The following CD226 variants were observed in gnomAD, a reference collection of about 807,000 sequenced individuals.
CD226 encodes CD226 molecule.
Under a neutral mutation model 34.9 loss-of-function variants are expected in CD226, and 24 were observed. That is an observed-to-expected ratio of 0.69 (90% confidence interval 0.50 to 0.97). The LOEUF (loss-of-function observed/expected upper bound fraction) is 0.97, where lower values mean the gene tolerates loss of function less well. Ranked by LOEUF, CD226 falls within the 50% of genes least tolerant of loss-of-function variation. The probability of loss-of-function intolerance (pLI) is 0.00; values close to 1 mark genes in which losing one functional copy is unlikely to be tolerated. For synonymous variants in CD226, 148 were observed against 147.4 expected (o/e 1.00, Z -0.03); for missense variants, 397 against 412.7 (o/e 0.96, Z 0.33).
chr18:69,951,093 G>T (rs904099615), upstream of CD226, among the ~76,000 whole-genome samples: 24 of 150,964 alleles, frequency 1.6e-4, no homozygotes, highest in Non-Finnish European at 4.4e-5. Flanking sequence ...CAGCCTCCTG[G>T]GTAGCTGGGA....
intron 1 of CD226, 51 bp downstream of exon 1, chr18:69,947,306 TACAA>T (rs770815326): frequency 3.3e-5 from 40 of 1,225,898 alleles, no homozygotes; most frequent in African/African-American, 6.1e-5. Context: ...TGCCACACTG[TACAA>T]ACAAAAACAG....
intron 2 of CD226, among the ~76,000 whole-genome samples, chr18:69,908,042 CTGTT>C (rs2055278313): frequency 1.3e-5 from 2 of 152,188 alleles, no homozygotes; most frequent in Admixed American, 6.5e-5. Context: ...CTTTGACTCT[CTGTT>C]TGGCTCTATC....
In CD226 at chr18:69,858,358, G is replaced by A. The variant is rs897766513; in HGVS notation, c.*5956C>T. On this transcript the variant is annotated 3_prime_UTR_variant, in exon 6 of 6. Transcript: ENST00000582621. ...GTTGAAGTTCTTCAACGAGCCTGGA[G>A]GGAATGTCGCAGTGTGTTCTGTTTG... is the stretch of plus-strand genomic sequence containing the variant. 12 of 152,170 alleles carry A rather than the reference G, an allele frequency of 7.9e-5. No homozygotes were observed. Among genetic ancestry groups the A allele is most frequent in the Non-Finnish European group, 1.6e-4 (11 of 68,034 alleles). 9.4% of individuals were successfully genotyped at this position (152,170 alleles called of 1,614,324 possible).
At chr18:69,922,427 G>A (rs1263129727) in intron 2 of CD226, among the ~76,000 whole-genome samples, 1 of 152,110 alleles carries the variant, frequency 6.6e-6, no homozygotes, top group Non-Finnish European at 1.5e-5. Flanking sequence ...GACCACAGAT[G>A]CATACCACCA....
intron 5 of CD226, 51 bp downstream of exon 5, chr18:69,867,306 T>A: frequency 8.3e-7 from 1 of 1,211,050 alleles, no homozygotes; most frequent in Non-Finnish European, 1.2e-6. Flanking sequence ...GAGACTGACT[T>A]TGCATCTGTA....
chr18:69,914,377 A>T (rs2055361241), intron 2 of CD226, among the ~76,000 whole-genome samples: 1 of 152,206 alleles, frequency 6.6e-6, no homozygotes, highest in Non-Finnish European at 1.5e-5. Context: ...AGTGAACACC[A>T]TATATCAATT....
chr18:69,950,236 T>C (rs538307140), upstream of CD226, among the ~76,000 whole-genome samples: 56 of 151,752 alleles, frequency 3.7e-4, 1 homozygote, highest in South Asian at 8.4e-3. Context: ...TCACACACAT[T>C]TGCACACACT....
intron 2 of CD226, among the ~76,000 whole-genome samples, chr18:69,942,469 C>T (rs563206397): frequency 6.6e-6 from 1 of 152,330 alleles, no homozygotes; most frequent in African/African-American, 2.4e-5. Context: ...AAAAACTAGT[C>T]AGAGATGTCC....
At chr18:69,877,116 G>A (rs1314384978) in intron 3 of CD226, among the ~76,000 whole-genome samples, 1 of 151,946 alleles carries the variant, frequency 6.6e-6, no homozygotes, top group East Asian at 1.9e-4. Context: ...CGCCCTCCTC[G>A]GCCTCCCAAA....
chr18:69,914,684 A>T (rs1232971953), intron 2 of CD226, among the ~76,000 whole-genome samples: 1 of 152,202 alleles, frequency 6.6e-6, no homozygotes, highest in Non-Finnish European at 1.5e-5. Context: ...TAAAACAGAA[A>T]TGTTCATGCT....
At chr18:69,897,322 C>T (rs534007389) in intron 2 of CD226, among the ~76,000 whole-genome samples, 2 of 152,232 alleles carry the variant, frequency 1.3e-5, no homozygotes, top group South Asian at 2.1e-4. Context: ...TTTGGGAACC[C>T]GATCTAAAGA....
chr18:69,895,855 G>T lies in CD226; in HGVS notation c.573C>A (p.Phe191Leu). 6.2e-7 allele frequency: 1 copy of T among 1,614,180 alleles called. No individual in the cohort carries two copies. The highest frequency in any genetic ancestry group is 8.5e-7 in the Non-Finnish European group (1 of 1,180,036). Residue 191 changes from phenylalanine (F) to leucine (L), a missense_variant, in exon 3 of 6, where the codon TTC (phenylalanine) becomes TTA (leucine). Coordinates refer to ENST00000582621, the MANE Select transcript of CD226 (RefSeq NM_001303618.2). ...LVHGRNFTSK[F>L]PRQIVSNCSH... ...TGCAGTTGCTCACTATTTGTCTTGG[G>T]AACTTGGAGGTGAAATTTCTGCCAT...
rs540617148 is a variant in CD226, at chr18:69,855,437, G to C, written c.*8877C>G. 2 of 152,120 alleles carry C rather than the reference G, an allele frequency of 1.3e-5. No individual in the cohort carries two copies. The highest frequency in any genetic ancestry group is 1.5e-5 in the Non-Finnish European group (1 of 68,008). 9.4% of individuals were successfully genotyped at this position (152,120 alleles called of 1,614,324 possible). On this transcript the variant is annotated 3_prime_UTR_variant, in exon 6 of 6. Coordinates refer to ENST00000582621, the MANE Select transcript of CD226 (RefSeq NM_001303618.2). ...GAAGAATGAATGACTTTGAAGCTAG[G>C]CCAATAGAAACTTTTCAAACTAAAA... is the stretch of plus-strand genomic sequence containing the variant.
chr18:69,882,272 G>A (rs1984307884), intron 3 of CD226, among the ~76,000 whole-genome samples: 1 of 152,188 alleles, frequency 6.6e-6, no homozygotes, highest in Non-Finnish European at 1.5e-5. Context: ...CTTTCTTTAT[G>A]TTGAAAATAC....
chr18:69,898,419 C>T (rs1378048076), intron 2 of CD226, among the ~76,000 whole-genome samples: 2 of 152,120 alleles, frequency 1.3e-5, no homozygotes, highest in Non-Finnish European at 2.9e-5. Context: ...GTGAACCTGC[C>T]GACTCAGGTA....
intron 2 of CD226, among the ~76,000 whole-genome samples, chr18:69,903,158 AAC>A (rs1475727353): frequency 1.3e-5 from 2 of 152,210 alleles, no homozygotes; most frequent in African/African-American, 4.8e-5. Context: ...CAGAAGGAGA[AAC>A]ACAGACACAA....
chr18:69,926,674 A>G (rs554953990), intron 2 of CD226, among the ~76,000 whole-genome samples: 40 of 152,346 alleles, frequency 2.6e-4, no homozygotes, highest in Admixed American at 2.3e-3. Context: ...AATTCAATGG[A>G]ACCATCATGT....
chr18:69,856,252 C>T lies in CD226; in HGVS notation c.*8062G>A, dbSNP rs1982606388. 4 of 152,068 alleles carry T rather than the reference C, an allele frequency of 2.6e-5. No individual in the cohort carries two copies. Among genetic ancestry groups the T allele is most frequent in the African/African-American group, 9.7e-5 (4 of 41,410 alleles). 9.4% of individuals were successfully genotyped at this position (152,068 alleles called of 1,614,324 possible). ...GGGTCAATTCTCCAAGAAAACCTAA[C>T]GATTCTGAAAGTATATGTACTAACA... is the stretch of plus-strand genomic sequence containing the variant. On this transcript the variant is annotated 3_prime_UTR_variant, in exon 6 of 6. Coordinates refer to ENST00000582621, the MANE Select transcript of CD226 (RefSeq NM_001303618.2).
chr18:69,927,814 G>A (rs2055541748), intron 2 of CD226, among the ~76,000 whole-genome samples: 1 of 152,082 alleles, frequency 6.6e-6, no homozygotes, highest in Admixed American at 6.5e-5. Flanking sequence ...TAGATATTCT[G>A]CATTTTGTCC....
Sources: gnomAD v4.1 joint callset for allele counts (sites outside exome capture counted in the v4.1 genomes callset) on GRCh38, gnomAD v4.1.1 for gene constraint, MANE v1.5 for transcripts, NCBI Gene and HGNC (gene_info 2026-07-23, HGNC 2026-07-21) for gene names.